LRFN5: variants seen among roughly 807,000 people sequenced by gnomAD.
The protein encoded by LRFN5 is leucine rich repeat and fibronectin type III domain containing 5.
Under a neutral mutation model 45.6 loss-of-function variants are expected in LRFN5, and 24 were observed. The observed-to-expected ratio is 0.53, with a 90% CI of 0.38 to 0.74. LRFN5 has a LOEUF of 0.74. Among genes scored for constraint, LRFN5 ranks in the 30% least tolerant of loss-of-function variants. The pLI, the probability that LRFN5 is intolerant of heterozygous loss-of-function variation, is 0.00. For missense variants in LRFN5, 776 were observed against 861.5 expected (o/e 0.90, Z 1.24); for synonymous variants, 340 against 313.8 (o/e 1.08, Z -0.88).
chr14:41,653,955 A>C (rs576820659), intron 1 of LRFN5, among the ~76,000 whole-genome samples: 1 of 152,220 alleles, frequency 6.6e-6, no homozygotes, highest in South Asian at 2.1e-4. Context: ...ACTGTATGAA[A>C]AGTAGCACTG....
chr14:41,818,009 A>G (rs1887979635), intron 2 of LRFN5, among the ~76,000 whole-genome samples: 1 of 152,134 alleles, frequency 6.6e-6, no homozygotes, highest in South Asian at 2.1e-4. Context: ...CTATGACTTA[A>G]TGTATTTTAA....
At chr14:41,855,868 G>C (rs1457922589) in intron 2 of LRFN5, among the ~76,000 whole-genome samples, 2 of 152,088 alleles carry the variant, frequency 1.3e-5, no homozygotes, top group African/African-American at 2.4e-5. Flanking sequence ...TATCACTGTA[G>C]ACATGGTGAT....
intron 1 of LRFN5, among the ~76,000 whole-genome samples, chr14:41,668,049 A>C (rs1282329407): frequency 6.6e-6 from 1 of 152,078 alleles, no homozygotes; most frequent in African/African-American, 2.4e-5. Flanking sequence ...CAGCTCTCTC[A>C]CTTATAAAGT....
At chr14:41,676,465 T>C (rs1594607345) in intron 1 of LRFN5, among the ~76,000 whole-genome samples, 1 of 152,316 alleles carries the variant, frequency 6.6e-6, no homozygotes, top group Non-Finnish European at 1.5e-5. Flanking sequence ...AGTGGGCATC[T>C]TGGTTGAGAG....
intron 1 of LRFN5, among the ~76,000 whole-genome samples, chr14:41,704,258 A>T (rs972793552): frequency 6.6e-6 from 1 of 152,112 alleles, no homozygotes. Context: ...GGAATTATTT[A>T]TAACTTCCAG....
chr14:41,801,056 A>G (rs1887312913), intron 2 of LRFN5, among the ~76,000 whole-genome samples: 1 of 152,136 alleles, frequency 6.6e-6, no homozygotes, highest in Non-Finnish European at 1.5e-5. Context: ...ATATCTAACA[A>G]TATCAGAGTT....
rs192756471 is a variant in LRFN5 at position 41,717,568 on chromosome 14, A to T, written c.-196-49286A>T. ...GTCTCTCTGATCTTTGCTGAAGCCC[A>T]TTCTCACCACAGCTTCCACTGTTGT... On this transcript the variant is annotated intron_variant, in intron 1 of 5. Transcript: ENST00000298119. Among the ~76,000 whole-genome samples the T allele has an allele frequency of 7.6e-3, 1,152 of 152,274 alleles. 25 individuals are homozygous for T. Among genetic ancestry groups the T allele is most frequent in the African/African-American group, 0.026 (1,078 of 41,558 alleles).
intron 1 of LRFN5, among the ~76,000 whole-genome samples, chr14:41,712,618 T>C (rs1268854778): frequency 6.6e-6 from 1 of 152,110 alleles, no homozygotes; most frequent in Non-Finnish European, 1.5e-5. Flanking sequence ...AATGAACAGG[T>C]TTAGGTATTC....
intron 1 of LRFN5, among the ~76,000 whole-genome samples, chr14:41,655,995 T>A (rs558490224): frequency 6.6e-6 from 1 of 152,156 alleles, no homozygotes; most frequent in African/African-American, 2.4e-5. Flanking sequence ...TATGTATTGT[T>A]TTAATGCTTT....
chr14:41,815,668 A>G (rs1343331628), intron 2 of LRFN5, among the ~76,000 whole-genome samples: 2 of 152,022 alleles, frequency 1.3e-5, no homozygotes, highest in Non-Finnish European at 2.9e-5. Context: ...AATGCAAGAG[A>G]TCAAAGCTGC....
At chr14:41,644,966 C>G (rs762044605) in intron 1 of LRFN5, among the ~76,000 whole-genome samples, 8 of 152,186 alleles carry the variant, frequency 5.3e-5, no homozygotes, top group Non-Finnish European at 1.0e-4. Context: ...CTGTCTAGTT[C>G]CTTTAGAACA....
At position 41,844,432 on chromosome 14, in the gene LRFN5, G is replaced by A. The variant is rs542137973; in HGVS notation, c.-20-42174G>A. 1.1e-3 allele frequency among the ~76,000 whole-genome samples: 92 copies of A among 80,144 alleles called. 1 individual carries two copies. In the South Asian group the frequency reaches 0.023, roughly 20 times the overall value. 52.6% of individuals were successfully genotyped at this position (80,144 alleles called of 152,430 possible). On this transcript the variant is annotated intron_variant, in intron 2 of 5. Transcript: ENST00000298119. ...AGCCTGGGTGACAGAGCAAGACTCC[G>A]TCTCAAAAAAAAAAAAAATATGTAT...
chr14:41,661,384 A>G (rs534046727), intron 1 of LRFN5, among the ~76,000 whole-genome samples: 3 of 152,176 alleles, frequency 2.0e-5, no homozygotes, highest in African/African-American at 7.2e-5. Context: ...ATACTGCTGT[A>G]GTAAAAGAAG....
intron 1 of LRFN5, among the ~76,000 whole-genome samples, chr14:41,679,269 G>A (rs1434132168): frequency 2.0e-5 from 3 of 152,176 alleles, no homozygotes; most frequent in African/African-American, 7.2e-5. Context: ...TGAAACACAA[G>A]CCAGGGTGGC....
chr14:41,719,416 TTAATA>T (rs142693148), intron 1 of LRFN5, among the ~76,000 whole-genome samples: 5,303 of 152,184 alleles, frequency 0.035, 306 homozygotes, highest in African/African-American at 0.12. Context: ...GTGTGGTATT[TTAATA>T]TATGTTATAC....
chr14:41,637,861 A>G (rs1355879633), intron 1 of LRFN5, among the ~76,000 whole-genome samples: 1 of 152,140 alleles, frequency 6.6e-6, no homozygotes, highest in Non-Finnish European at 1.5e-5. Flanking sequence ...ATGTGAATTT[A>G]GCACCTTGAA....
chr14:41,774,771 G>C (rs1886216832), intron 2 of LRFN5, among the ~76,000 whole-genome samples: 1 of 152,170 alleles, frequency 6.6e-6, no homozygotes, highest in South Asian at 2.1e-4. Context: ...ATCCCAGTGA[G>C]GTTGAAAAGA....
chr14:41,776,120 A>G (rs951124970), intron 2 of LRFN5, among the ~76,000 whole-genome samples: 6 of 152,184 alleles, frequency 3.9e-5, no homozygotes, highest in African/African-American at 1.2e-4. Context: ...CATAACATAC[A>G]TGTTACTCTT....
chr14:41,681,169 G>C (rs1042542742), intron 1 of LRFN5, among the ~76,000 whole-genome samples: 5 of 152,104 alleles, frequency 3.3e-5, no homozygotes, highest in Non-Finnish European at 7.4e-5. Context: ...TTAGAGAGGA[G>C]GTAAGAAAAG....
Sources: gnomAD v4.1 joint callset for allele counts (sites outside exome capture counted in the v4.1 genomes callset) on GRCh38, gnomAD v4.1.1 for gene constraint, MANE v1.5 for transcripts, NCBI Gene and HGNC (gene_info 2026-07-23, HGNC 2026-07-21) for gene names.